Variants in NBEA observed in about 807,000 individuals in gnomAD.
NBEA encodes the protein lysosomal-trafficking regulator 2.
A neutral mutation model predicts 343.4 loss-of-function variants in NBEA; 44 were observed. The ratio of observed to expected loss-of-function variants is 0.13; its 90% CI spans 0.10 to 0.16. The LOEUF (loss-of-function observed/expected upper bound fraction) is 0.16. Among genes scored for constraint, NBEA ranks in the 10% least tolerant of loss-of-function variants. The probability of loss-of-function intolerance (pLI) is 1.00; values close to 1 mark genes in which losing one functional copy is unlikely to be tolerated. For missense variants in NBEA, 2,555 were observed against 3,631.3 expected, an observed-to-expected ratio of 0.70 and a Z score of 7.62; for synonymous variants, 1,175 against 1,238.7, an observed-to-expected ratio of 0.95 and a Z score of 1.08.
rs2153090218 is a variant in NBEA at position 35,671,488 on chromosome 13, T to C, written c.*497T>C. On this transcript the variant is annotated 3_prime_UTR_variant, in exon 59 of 59. Transcript: ENST00000379939. ...GTAAAACCTTGTATAAAGAACAAAA[T>C]GTTTCTTAATTTTATTGTGGAGTTA... 6.5e-6 allele frequency: 1 copy of C among 153,718 alleles called. No individual in the cohort carries two copies. The highest frequency in any genetic ancestry group is 2.0e-4 in the South Asian group (1 of 4,888). 9.5% of individuals were successfully genotyped at this position (153,718 alleles called of 1,614,324 possible).
chr13:35,533,391 A>G (rs996064664), intron 41 of NBEA, among the ~76,000 whole-genome samples: 16 of 152,150 alleles, frequency 1.1e-4, no homozygotes, highest in Admixed American at 2.0e-4. Flanking sequence ...TTATTTTTCC[A>G]TATTAGTTAA....
intron 41 of NBEA, chr13:35,476,236 G>C (rs1302589817): frequency 6.4e-7 from 1 of 1,573,026 alleles, no homozygotes; most frequent in Non-Finnish European, 8.7e-7. Flanking sequence ...TGGAGAAACG[G>C]GCCGCAACAC....
chr13:35,277,303 A>G (rs754074792), intron 34 of NBEA, among the ~76,000 whole-genome samples: 1 of 151,758 alleles, frequency 6.6e-6, no homozygotes, highest in Admixed American at 6.6e-5. Context: ...AGCCAGAAAA[A>G]CTCATATTTG....
At chr13:35,456,965 T>G (rs1594700683) in intron 40 of NBEA, among the ~76,000 whole-genome samples, 2 of 151,168 alleles carry the variant, frequency 1.3e-5, no homozygotes, top group Non-Finnish European at 3.0e-5. Context: ...AATAACAACA[T>G]ACGTATATTG....
In NBEA at chr13:35,339,785, G is replaced by A. The variant is rs1594275082; in HGVS notation, c.5904-9323G>A. Among the ~76,000 whole-genome samples the A allele has an allele frequency of 1.3e-5, 2 of 152,118 alleles. 1 individual carries two copies. The highest frequency in any genetic ancestry group is 4.8e-5 in the African/African-American group (2 of 41,526). On this transcript the variant is annotated intron_variant, in intron 36 of 58. Transcript: ENST00000379939. ...CACACTTTTAACAACCAAAGTTCAT[G>A]AGATCTCACACTCTATCATGAGAAC... is the stretch of plus-strand genomic sequence containing the variant.
chr13:35,480,058 G>GAAAAAA (rs35107997), intron 41 of NBEA, among the ~76,000 whole-genome samples: 1 of 136,346 alleles, frequency 7.3e-6, no homozygotes, highest in African/African-American at 2.7e-5. Flanking sequence ...TACCAGTTAG[G>GAAAAAA]AAAAAAAAAA....
chr13:35,573,715 G>C (rs9530717), intron 45 of NBEA, among the ~76,000 whole-genome samples: 22,351 of 152,142 alleles, frequency 0.15, 1,791 homozygotes, highest in East Asian at 0.28. Context: ...AAAATTTTAG[G>C]CTGTTAAAGA....
chr13:35,594,992 A>ACACACACACACAC (rs35174924), intron 47 of NBEA, among the ~76,000 whole-genome samples: 5 of 130,674 alleles, frequency 3.8e-5, no homozygotes, highest in East Asian at 4.3e-4. Flanking sequence ...CACACACACA[A>ACACACACACACAC]ATTGGCTTTT....
At chr13:35,396,149 C>A (rs984893666) in intron 38 of NBEA, among the ~76,000 whole-genome samples, 2 of 152,084 alleles carry the variant, frequency 1.3e-5, no homozygotes, top group African/African-American at 4.8e-5. Context: ...CCTGCCTCAG[C>A]CTCCCAAGTA....
intron 1 of NBEA, among the ~76,000 whole-genome samples, chr13:34,944,383 A>G (rs1203574739): frequency 6.6e-6 from 1 of 152,160 alleles, no homozygotes; most frequent in African/African-American, 2.4e-5. Context: ...CGGTTTATGA[A>G]CCTCGTAAAT....
At position 35,655,493 on chromosome 13, in the gene NBEA, T is replaced by A. The variant is rs577598621; in HGVS notation, c.8192-86T>A. On this transcript the variant is annotated intron_variant, in intron 54 of 58. Coordinates refer to ENST00000379939, the MANE Select transcript of NBEA (RefSeq NM_001385012.1). ...AAATAAAATTAAAAATATGGTAAAA[T>A]TTTTTAAAAAATCTGATAAAGTTAC... is the stretch of plus-strand genomic sequence containing the variant. 3,487 of 1,358,366 alleles carry A rather than the reference T, an allele frequency of 2.6e-3. 102 individuals carry two copies. In the South Asian group the frequency reaches 0.054, roughly 21 times the overall value. The allele number at this position is 1,358,366 out of a possible 1,614,324, so 84.1% of individuals were successfully genotyped here. A position where few individuals can be genotyped will look rare whatever the true frequency, so the allele number is the denominator to read the frequency against.
chr13:35,586,554 G>T (rs923211472), intron 46 of NBEA, among the ~76,000 whole-genome samples: 32 of 152,176 alleles, frequency 2.1e-4, no homozygotes, highest in African/African-American at 7.2e-4. Context: ...AATCAGTCTA[G>T]TTTATCCAAA....
At chr13:35,406,478 C>T (rs1330907319) in intron 38 of NBEA, among the ~76,000 whole-genome samples, 4 of 152,004 alleles carry the variant, frequency 2.6e-5, no homozygotes. Flanking sequence ...TCTTTGAGTC[C>T]CCAAGTCCAT....
intron 36 of NBEA, among the ~76,000 whole-genome samples, chr13:35,340,372 G>A (rs1374476056): frequency 6.6e-6 from 1 of 152,068 alleles, no homozygotes. Context: ...GACAAATACT[G>A]CATGATTCCA....
At chr13:35,165,689 C>CTT (rs577851529) in intron 24 of NBEA, among the ~76,000 whole-genome samples, 22 of 134,862 alleles carry the variant, frequency 1.6e-4, no homozygotes, top group Non-Finnish European at 2.5e-4. Flanking sequence ...CTTTTCTTTT[C>CTT]TTTTTTTTTT....
At chr13:35,149,390 A>G (rs569823824) in intron 18 of NBEA, among the ~76,000 whole-genome samples, 1 of 151,906 alleles carries the variant, frequency 6.6e-6, no homozygotes, top group South Asian at 2.1e-4. Flanking sequence ...TGATAATGGT[A>G]TTTTTTTTGC....
intron 10 of NBEA, among the ~76,000 whole-genome samples, chr13:35,086,184 C>G (rs976960389): frequency 2.6e-5 from 4 of 152,052 alleles, no homozygotes; most frequent in Non-Finnish European, 5.9e-5. Context: ...AGTGCCATCC[C>G]CATCAAGCTA....
intron 30 of NBEA, among the ~76,000 whole-genome samples, chr13:35,188,250 T>A (rs77277824): frequency 6.9e-5 from 8 of 115,500 alleles, no homozygotes; most frequent in African/African-American, 1.0e-4. Flanking sequence ...TCACGTATCA[T>A]TTTTTTTTTT....
intron 1 of NBEA, among the ~76,000 whole-genome samples, chr13:35,036,975 C>T (rs1353817351): frequency 6.6e-6 from 1 of 152,082 alleles, no homozygotes; most frequent in Non-Finnish European, 1.5e-5. Context: ...AAGGTTTACT[C>T]AGAATAAACT....
Sources: allele counts gnomAD v4.1 joint callset (sites outside exome capture counted in the v4.1 genomes callset), GRCh38; gene constraint gnomAD v4.1.1; transcripts MANE v1.5; gene names NCBI Gene and HGNC (gene_info 2026-07-23, HGNC 2026-07-21).